Variants in TRIP13 observed in about 807,000 individuals in gnomAD.
The protein encoded by TRIP13 is pachytene checkpoint protein 2 homolog.
Under a neutral mutation model 54.4 loss-of-function variants are expected in TRIP13, and 25 were observed. That is an observed-to-expected ratio of 0.46 (90% CI 0.33 to 0.64). The LOEUF (loss-of-function observed/expected upper bound fraction) is 0.64. Ranked by LOEUF, TRIP13 falls within the 30% of genes least tolerant of loss-of-function variation. The probability of loss-of-function intolerance (pLI) is 0.02; values close to 1 mark genes in which losing one functional copy is unlikely to be tolerated. For missense variants in TRIP13, 373 were observed against 534.2 expected (o/e 0.70, Z 2.97); for synonymous variants, 207 against 207.8 (o/e 1.00, Z 0.03).
At chr5:896,404 C>A (rs141778123) in intron 2 of TRIP13, among the ~76,000 whole-genome samples, 1 of 152,104 alleles carries the variant, frequency 6.6e-6, no homozygotes, top group Non-Finnish European at 1.5e-5. Context: ...TATATAATAA[C>A]GTCCCGGAGG....
chr5:893,269 A>G (rs1753737174), intron 1 of TRIP13, among the ~76,000 whole-genome samples, 179 bp downstream of exon 1: 1 of 151,188 alleles, frequency 6.6e-6, no homozygotes, highest in African/African-American at 2.4e-5. Context: ...TAGCGCAATG[A>G]CGCGACCCCA....
intron 5 of TRIP13, among the ~76,000 whole-genome samples, chr5:902,141 A>C (rs1035713228): frequency 2.0e-5 from 3 of 152,220 alleles, no homozygotes; most frequent in Non-Finnish European, 4.4e-5. Flanking sequence ...ATTTTAAAGA[A>C]ATTCTGTCTG....
chr5:910,731 G>A (rs1374441575), intron 9 of TRIP13, among the ~76,000 whole-genome samples: 3 of 152,232 alleles, frequency 2.0e-5, no homozygotes, highest in East Asian at 1.9e-4. Flanking sequence ...GTCCACTCCC[G>A]CATCTCTGGA....
rs1754372134 is a variant in TRIP13, at chr5:918,090, T to G, written c.*987T>G. On this transcript the variant is annotated 3_prime_UTR_variant, in exon 13 of 13. Coordinates refer to ENST00000166345, the MANE Select transcript of TRIP13 (RefSeq NM_004237.4). The surrounding 1 kb of genome is among the most constrained non-coding windows in gnomAD (Gnocchi z 4.3). ...AGTATCTCTTCCAAGTGCTTTTAAT[T>G]TTACTAAAAATTACTCACATGATTA... 1 of 152,228 alleles carries G rather than the reference T, an allele frequency of 6.6e-6. No homozygotes were observed. The highest frequency in any genetic ancestry group is 1.5e-5 in the Non-Finnish European group (1 of 68,034). The allele number at this position is 152,228 out of a possible 1,614,324, so 9.4% of individuals were successfully genotyped here. A position where few individuals can be genotyped will look rare whatever the true frequency, so the allele number is the denominator to read the frequency against.
At chr5:900,693 A>C in intron 4 of TRIP13, 144 bp downstream of exon 4, 1 of 735,148 alleles carries the variant, frequency 1.4e-6, no homozygotes, top group Non-Finnish European at 2.2e-6. Flanking sequence ...CTGGACATCT[A>C]TCCTCTAGTA....
At chr5:903,694 G>A (rs952500853) in intron 5 of TRIP13, among the ~76,000 whole-genome samples, 1 of 151,960 alleles carries the variant, frequency 6.6e-6, no homozygotes, top group Non-Finnish European at 1.5e-5. Flanking sequence ...GTGGTTCTGG[G>A]GGCAACAGGA....
intron 3 of TRIP13, 150 bp from the exon 4 acceptor site, chr5:900,344 G>A (rs1011316386): frequency 7.1e-6 from 5 of 699,410 alleles, no homozygotes; most frequent in Non-Finnish European, 1.2e-5. Flanking sequence ...AGAAAAATTT[G>A]CAGAATTTAT....
At position 896,757 on chromosome 5, in the gene TRIP13, A is replaced by G. The variant is rs747037084; in HGVS notation, c.351A>G (p.Glu117=). ...GTGAAAATCTGGAGGAAGAGACAGA[A>G]AACATAATTGCAGCAAATCACTGGG... ...PSSENLEEET[E]NIIAANHWVL... The change falls in exon 3 of 13, where the codon GAA becomes GAG. Residue 117 remains glutamate, a synonymous_variant. Transcript: ENST00000166345. The G allele has an allele frequency of 6.2e-7, 1 of 1,613,876 alleles. No individual in the cohort carries two copies. Among genetic ancestry groups the G allele is most frequent in the Admixed American group, 1.7e-5 (1 of 60,000 alleles).
At position 892,912 on chromosome 5, in the gene TRIP13, G is replaced by T. The variant is rs1181999425; in HGVS notation, c.-87G>T. ...TTCGAAGCTAGGGCGGGGCCCGCGG[G>T]CTGAGGCAGCGGCTGTGGCGGCGAC... On this transcript the variant is annotated 5_prime_UTR_variant, in exon 1 of 13. Coordinates refer to ENST00000166345, the MANE Select transcript of TRIP13 (RefSeq NM_004237.4). The T allele has an allele frequency of 8.5e-6, 11 of 1,291,054 alleles. No homozygotes were observed. Among genetic ancestry groups the T allele is most frequent in the Non-Finnish European group, 1.1e-5 (11 of 983,282 alleles). The allele number at this position is 1,291,054 out of a possible 1,614,324, so 80.0% of individuals were successfully genotyped here.
At chr5:914,759 G>A (rs527544395) in intron 11 of TRIP13, among the ~76,000 whole-genome samples, 182 bp downstream of exon 11, 7 of 151,880 alleles carry the variant, frequency 4.6e-5, no homozygotes, top group East Asian at 3.9e-4. Flanking sequence ...GTAGAAACAC[G>A]CAGCACAGCC....
Position 911,717 on chromosome 5 carries a change from C to G in TRIP13, c.867-126C>G. ...CTGCGTGGCCTGTGTTGGCACAAGG[C>G]CACTTTCCTTCCTGTTGGCAGCCTG... On this transcript the variant is annotated intron_variant, in intron 9 of 12. Coordinates refer to ENST00000166345, the MANE Select transcript of TRIP13 (RefSeq NM_004237.4). This position sits in a 1 kb window ranked among gnomAD's most constrained non-coding sequence, Gnocchi z 4.7. 1 of 1,266,562 alleles carries G rather than the reference C, an allele frequency of 7.9e-7. No individual in the cohort carries two copies. Among genetic ancestry groups the G allele is most frequent in the Non-Finnish European group, 1.1e-6 (1 of 939,604 alleles). The allele number at this position is 1,266,562 out of a possible 1,614,324, so 78.5% of individuals were successfully genotyped here. A position where few individuals can be genotyped will look rare whatever the true frequency, so the allele number is the denominator to read the frequency against.
At chr5:914,660 C>T in intron 11 of TRIP13, 83 bp downstream of exon 11, 2 of 1,122,318 alleles carry the variant, frequency 1.8e-6, no homozygotes, top group Non-Finnish European at 2.7e-6. Context: ...TTGAGGAGAC[C>T]AGGGAGGGCC....
At chr5:902,815 T>C (rs1754022032) in intron 5 of TRIP13, among the ~76,000 whole-genome samples, 1 of 152,122 alleles carries the variant, frequency 6.6e-6, no homozygotes, top group Non-Finnish European at 1.5e-5. Context: ...CACTGATAGG[T>C]AAGGTCACGT....
chr5:893,211 G>C, intron 1 of TRIP13, 121 bp downstream of exon 1: 1 of 990,490 alleles, frequency 1.0e-6, no homozygotes, highest in Non-Finnish European at 1.4e-6. Context: ...GTACTGATCC[G>C]GCCCGACTGG....
rs138877597 is a variant in TRIP13, at chr5:904,229, C to G, written c.608+9C>G. On this transcript the variant is annotated intron_variant, in intron 6 of 12. Coordinates refer to ENST00000166345, the MANE Select transcript of TRIP13 (RefSeq NM_004237.4). Reference sequence around the variant, plus strand: ...ATTAGACTTTCAAGCAGGTAACTTTCGGTAATCTGTGAGAGGAGAGCCATG... The same window carrying G: ...ATTAGACTTTCAAGCAGGTAACTTTGGGTAATCTGTGAGAGGAGAGCCATG... 1.9e-6 allele frequency: 3 copies of G among 1,603,052 alleles called. No homozygotes were observed. The highest frequency in any genetic ancestry group is 2.6e-6 in the Non-Finnish European group (3 of 1,176,250).
At chr5:910,914 C>T (rs752967409) in intron 9 of TRIP13, among the ~76,000 whole-genome samples, 4 of 152,220 alleles carry the variant, frequency 2.6e-5, no homozygotes, top group South Asian at 2.1e-4. Flanking sequence ...CTCACCCCGG[C>T]GCGCAGGCAC....
Position 911,427 on chromosome 5 carries a change from CGG to C in TRIP13, c.867-414_867-413del, listed in dbSNP as rs1432601883. On this transcript the variant is annotated intron_variant, in intron 9 of 12. Coordinates refer to ENST00000166345, the MANE Select transcript of TRIP13 (RefSeq NM_004237.4). The surrounding 1 kb of genome is among the most constrained non-coding windows in gnomAD (Gnocchi z 4.7). Reference sequence around the variant, plus strand: ...TCCACTAAAAATACAAAAAATTAGCCGGGCACGGTGGCGGGCGCCTGTAGTCC... The same window carrying C: ...TCCACTAAAAATACAAAAAATTAGCCGCACGGTGGCGGGCGCCTGTAGTCC... 6.6e-6 allele frequency among the ~76,000 whole-genome samples: 1 copy of C among 152,146 alleles called. No homozygotes were observed. The highest frequency in any genetic ancestry group is 1.5e-5 in the Non-Finnish European group (1 of 68,024).
At chr5:904,671 G>A (rs1015326015) in intron 6 of TRIP13, among the ~76,000 whole-genome samples, 2 of 151,752 alleles carry the variant, frequency 1.3e-5, no homozygotes, top group Non-Finnish European at 2.9e-5. Flanking sequence ...CCACTCCTGT[G>A]CTTTTTCATT....
downstream of TRIP13, among the ~76,000 whole-genome samples, chr5:918,662 G>A (rs927353115): frequency 1.3e-5 from 2 of 152,270 alleles, no homozygotes; most frequent in Non-Finnish European, 2.9e-5. This position sits in a 1 kb window ranked among gnomAD's most constrained non-coding sequence, Gnocchi z 4.3. Context: ...TAACTCACAT[G>A]ATCACAAGGT....
Sources: allele counts gnomAD v4.1 joint callset (sites outside exome capture counted in the v4.1 genomes callset), GRCh38; gene constraint gnomAD v4.1.1; non-coding constraint Gnocchi (gnomAD v3.1); transcripts MANE v1.5; gene names NCBI Gene and HGNC (gene_info 2026-07-23, HGNC 2026-07-21).